GAS7: variants seen among roughly 807,000 people sequenced by gnomAD.
GAS7 encodes the protein growth arrest-specific protein 7.
In GAS7, 28 loss-of-function variants were observed where a neutral mutation model predicts 71.1. The ratio of observed to expected loss-of-function variants is 0.39; its 90% CI spans 0.29 to 0.54. The LOEUF (loss-of-function observed/expected upper bound fraction) is 0.54, where lower values mean the gene tolerates loss of function less well. Ranked by LOEUF, GAS7 falls within the 20% of genes least tolerant of loss-of-function variation. The pLI, the probability that GAS7 is intolerant of heterozygous loss-of-function variation, is 0.62. For missense variants in GAS7, 436 were observed against 627.8 expected (o/e 0.69, Z 3.27); for synonymous variants, 258 against 245.8 (o/e 1.05, Z -0.46).
chr17:9,995,962 G>T (rs368988076), intron 2 of GAS7, among the ~76,000 whole-genome samples: 3 of 152,274 alleles, frequency 2.0e-5, no homozygotes, highest in African/African-American at 7.2e-5. Flanking sequence ...TGTACAAAAG[G>T]TTCTCACTTT....
intron 1 of GAS7, among the ~76,000 whole-genome samples, chr17:10,133,108 T>TTTTATATATATATATATA (rs1555535947): frequency 3.2e-5 from 4 of 124,152 alleles, no homozygotes; most frequent in African/African-American, 8.9e-5. Context: ...TATAATTAGA[T>TTTTATATATATATATATA]TATATATTTT....
In GAS7 at chr17:10,103,028, G is replaced by A. The variant is rs1388889373; in HGVS notation, c.184-83131C>T. On this transcript the variant is annotated intron_variant, in intron 1 of 13. Transcript: ENST00000432992. The surrounding 1 kb of genome is among the most constrained non-coding windows in gnomAD (Gnocchi z 5.5). ...GCACCAGCAGCATTCCTGTCGCCTA[G>A]AAGCTTGTTAGAAATGCAGAATCTG... Among the ~76,000 whole-genome samples the A allele has an allele frequency of 6.6e-6, 1 of 152,194 alleles. No homozygotes were observed. Among genetic ancestry groups the A allele is most frequent in the African/African-American group, 2.4e-5 (1 of 41,444 alleles).
rs147802882 is a variant in GAS7, at chr17:10,134,070, G to A, written c.183+64138C>T. Among the ~76,000 whole-genome samples the A allele has an allele frequency of 9.6e-3, 1,441 of 150,764 alleles. 12 individuals carry two copies. Among genetic ancestry groups the A allele is most frequent in the Non-Finnish European group, 0.015 (994 of 67,864 alleles). On this transcript the variant is annotated intron_variant, in intron 1 of 13. Coordinates refer to ENST00000432992, the MANE Select transcript of GAS7 (RefSeq NM_201433.2). ...TTTGAGATGGGAGTCTCGCTCTATC[G>A]CCCAGGCTGGAGTCCAGTGGCGCGA...
chr17:10,156,089 A>G (rs764756329), intron 1 of GAS7, among the ~76,000 whole-genome samples: 1 of 151,974 alleles, frequency 6.6e-6, no homozygotes, highest in Non-Finnish European at 1.5e-5. Context: ...TTCTTTCCCA[A>G]CTCTGACTTT....
At chr17:10,113,948 T>C (rs1383592611) in intron 1 of GAS7, among the ~76,000 whole-genome samples, 1 of 152,222 alleles carries the variant, frequency 6.6e-6, no homozygotes, top group Non-Finnish European at 1.5e-5. Context: ...AGGGTCTTGC[T>C]ATCTTGCCCA....
In GAS7 at chr17:10,086,892, A is replaced by G. The variant is rs536381376; in HGVS notation, c.184-66995T>C. Among the ~76,000 whole-genome samples the G allele has an allele frequency of 2.7e-4, 41 of 152,302 alleles. 1 individual carries two copies. The South Asian group carries it at 4.6e-3, about 17-fold the overall frequency. ...GAGGTCAGGGCAGAAGAGCCGTGTC[A>G]TACAAGCCAAAGCAACCCCAGTGTC... is the stretch of plus-strand genomic sequence containing the variant. On this transcript the variant is annotated intron_variant, in intron 1 of 13. Transcript: ENST00000432992.
chr17:10,059,886 T>C (rs1050676528), intron 1 of GAS7: 12 of 814,324 alleles, frequency 1.5e-5, no homozygotes, highest in African/African-American at 1.9e-5. Flanking sequence ...ACAAATGATA[T>C]TCAAAATGAA....
chr17:10,128,631 CTT>C (rs113967374), intron 1 of GAS7, among the ~76,000 whole-genome samples: 34 of 141,948 alleles, frequency 2.4e-4, no homozygotes, highest in East Asian at 8.1e-4. Context: ...TTTCTTTTCT[CTT>C]TTTTTTTTTT....
intron 1 of GAS7, chr17:10,059,645 GAGC>G (rs928147703): frequency 2.1e-6 from 2 of 975,412 alleles, no homozygotes; most frequent in African/African-American, 3.5e-5. Flanking sequence ...AATTAGCTTC[GAGC>G]ATCTGCATCA....
chr17:9,965,510 C>T (rs1211283929), intron 4 of GAS7, among the ~76,000 whole-genome samples: 1 of 152,016 alleles, frequency 6.6e-6, no homozygotes, highest in East Asian at 1.9e-4. Flanking sequence ...CAGGACCTAT[C>T]GGGGCGTGGG....
intron 1 of GAS7, among the ~76,000 whole-genome samples, chr17:10,038,555 G>T (rs1420885134): frequency 6.6e-6 from 1 of 152,092 alleles, no homozygotes; most frequent in Non-Finnish European, 1.5e-5. Context: ...ATACCAAAAA[G>T]AACTGAAAGC....
chr17:10,072,801 G>A lies in GAS7; in HGVS notation c.184-52904C>T, dbSNP rs530156532. ...AGGGAAGTGCTGGCGCCCATAGTCTGTCTGGCCCCAGGATTGGTGCATTAG... is the reference window on the plus strand; with the variant it reads ...AGGGAAGTGCTGGCGCCCATAGTCTATCTGGCCCCAGGATTGGTGCATTAG... On this transcript the variant is annotated intron_variant, in intron 1 of 13. Transcript: ENST00000432992. 9.7e-4 allele frequency among the ~76,000 whole-genome samples: 148 copies of A among 152,244 alleles called. 1 individual carries two copies. The highest frequency in any genetic ancestry group is 3.2e-3 in the African/African-American group (133 of 41,540).
At chr17:10,085,811 G>A (rs780361920) in intron 1 of GAS7, among the ~76,000 whole-genome samples, 5 of 152,100 alleles carry the variant, frequency 3.3e-5, no homozygotes, top group African/African-American at 4.8e-5. Flanking sequence ...AGTAACATAG[G>A]GATTATCCCA....
intron 1 of GAS7, among the ~76,000 whole-genome samples, chr17:10,127,847 T>C (rs2073962792): frequency 6.6e-6 from 1 of 152,136 alleles, no homozygotes; most frequent in Non-Finnish European, 1.5e-5. Flanking sequence ...TTGGAAATGC[T>C]GATTAAACAC....
At chr17:10,136,681 G>A (rs749489453) in intron 1 of GAS7, among the ~76,000 whole-genome samples, 1 of 152,150 alleles carries the variant, frequency 6.6e-6, no homozygotes, top group Non-Finnish European at 1.5e-5. Flanking sequence ...TTCTGCATGG[G>A]GCAGCCAGCG....
At chr17:9,976,205 T>C (rs887262) in intron 3 of GAS7, among the ~76,000 whole-genome samples, 150,456 of 152,396 alleles carry the variant, frequency 0.99, 74,279 homozygotes, top group Middle Eastern at 1. Flanking sequence ...TGGTTGTGAA[T>C]AGTGAAACAC....
chr17:10,183,068 T>C (rs1029586446), intron 1 of GAS7, among the ~76,000 whole-genome samples: 2 of 151,976 alleles, frequency 1.3e-5, no homozygotes, highest in African/African-American at 4.8e-5. Context: ...AAACTAGCAA[T>C]GGCCAGACGC....
At chr17:10,027,503 T>A (rs771919532) in intron 1 of GAS7, among the ~76,000 whole-genome samples, 1 of 152,170 alleles carries the variant, frequency 6.6e-6, no homozygotes, top group Non-Finnish European at 1.5e-5. Context: ...CTTTAAGAGG[T>A]GATCAGCCCA....
intron 1 of GAS7, among the ~76,000 whole-genome samples, chr17:10,167,621 C>G (rs188712125): frequency 6.6e-6 from 1 of 152,130 alleles, no homozygotes; most frequent in African/African-American, 2.4e-5. Context: ...GAAGAGTCAT[C>G]GAACACAGGC....
Sources: allele counts gnomAD v4.1 joint callset (sites outside exome capture counted in the v4.1 genomes callset), GRCh38; gene constraint gnomAD v4.1.1; non-coding constraint Gnocchi (gnomAD v3.1); transcripts MANE v1.5; gene names NCBI Gene and HGNC (gene_info 2026-07-23, HGNC 2026-07-21).